Variants in LY96 observed in about 807,000 individuals in gnomAD.
LY96 encodes myeloid differentiation protein-2.
A neutral mutation model predicts 18.9 loss-of-function variants in LY96; 18 were observed. The observed-to-expected ratio is 0.95, with a 90% confidence interval of 0.66 to 1.41. The LOEUF is 1.41. Among genes scored for constraint, LY96 ranks in the 40% most tolerant of loss-of-function variants. The pLI is 0.00. For missense variants in LY96, 175 were observed against 182.4 expected (o/e 0.96, Z 0.23); for synonymous variants, 66 against 62.6 (o/e 1.06, Z -0.26).
chr8:74,056,801 GC>G, the LY96 span, among the ~76,000 whole-genome samples: 3 of 152,162 alleles, frequency 2.0e-5, no homozygotes, highest in Non-Finnish European at 4.4e-5. Flanking sequence ...TTCCCCCTAA[GC>G]CTTCCAGAGA....
chr8:74,037,928 G>A, the LY96 span, among the ~76,000 whole-genome samples: 2 of 152,090 alleles, frequency 1.3e-5, no homozygotes, highest in African/African-American at 4.8e-5. Flanking sequence ...GCTAATAGTT[G>A]CAGGGTTAAC....
At chr8:74,077,517 G>T in the LY96 span, among the ~76,000 whole-genome samples, 2 of 152,132 alleles carry the variant, frequency 1.3e-5, no homozygotes, top group African/African-American at 4.8e-5. Flanking sequence ...CTCCAGTAAT[G>T]TGACAGCAAT....
rs1252835628 is a variant in LY96 at position 74,004,896 on chromosome 8, AT to A, written c.202+16del. ...TTTTCTACATTCCAAGTAAGTTCAA[AT>A]TTTTGCTTTTATAGACCAATCAAAG... On this transcript the variant is annotated intron_variant, in intron 2 of 4. Transcript: ENST00000284818. The A allele has an allele frequency of 3.1e-6, 5 of 1,588,978 alleles. No homozygotes were observed. Among genetic ancestry groups the A allele is most frequent in the Non-Finnish European group, 4.3e-6 (5 of 1,160,326 alleles).
chr8:74,040,082 C>G, the LY96 span, among the ~76,000 whole-genome samples: 1 of 152,200 alleles, frequency 6.6e-6, no homozygotes. Context: ...CTCTTGCCTT[C>G]TAGGTCACTT....
chr8:74,011,892 T>C (rs553150549), intron 3 of LY96, among the ~76,000 whole-genome samples: 1 of 147,654 alleles, frequency 6.8e-6, no homozygotes, highest in Non-Finnish European at 1.5e-5. Context: ...GAAAAGGACA[T>C]GAATAGACAC....
At chr8:74,074,716 C>T in the LY96 span, among the ~76,000 whole-genome samples, 1 of 152,214 alleles carries the variant, frequency 6.6e-6, no homozygotes, top group Admixed American at 6.5e-5. Context: ...AGAAAATTTT[C>T]AGTTTCCTTA....
At chr8:74,053,314 C>T in the LY96 span, among the ~76,000 whole-genome samples, 1 of 152,194 alleles carries the variant, frequency 6.6e-6, no homozygotes, top group Non-Finnish European at 1.5e-5. Flanking sequence ...CTTTGCTGAT[C>T]TAACCCATAT....
chr8:74,080,503 A>G, the LY96 span, among the ~76,000 whole-genome samples: 1 of 152,212 alleles, frequency 6.6e-6, no homozygotes, highest in Non-Finnish European at 1.5e-5. Context: ...GAGGCAAAAA[A>G]TTGTAGAAGA....
At chr8:73,996,819 A>T (rs1375121892) in intron 1 of LY96, among the ~76,000 whole-genome samples, 4 of 152,140 alleles carry the variant, frequency 2.6e-5, no homozygotes, top group Admixed American at 2.6e-4. Flanking sequence ...ATCTTGGCTC[A>T]CAGCAGTCTC....
At chr8:74,015,286 C>T (rs915183872) in intron 3 of LY96, among the ~76,000 whole-genome samples, 2 of 152,302 alleles carry the variant, frequency 1.3e-5, no homozygotes, top group East Asian at 3.9e-4. Context: ...AAACTGAATA[C>T]CTTAGAAAAA....
chr8:73,999,119 C>T (rs922752245), intron 1 of LY96, among the ~76,000 whole-genome samples: 6 of 152,084 alleles, frequency 3.9e-5, no homozygotes, highest in African/African-American at 1.4e-4. Flanking sequence ...GACAGGCACC[C>T]GCCACCACAC....
intron 3 of LY96, among the ~76,000 whole-genome samples, chr8:74,013,015 G>A (rs1435895466): frequency 6.6e-6 from 1 of 151,808 alleles, no homozygotes; most frequent in East Asian, 1.9e-4. Context: ...AGAGTGCAGT[G>A]GTGCAACCAT....
intron 3 of LY96, among the ~76,000 whole-genome samples, chr8:74,017,098 C>G (rs1816659743): frequency 6.6e-6 from 1 of 152,182 alleles, no homozygotes; most frequent in Non-Finnish European, 1.5e-5. Context: ...TAATAACAAA[C>G]TTCGCTGAGC....
chr8:73,996,329 CTT>C (rs1816126093), intron 1 of LY96, among the ~76,000 whole-genome samples: 6 of 122,006 alleles, frequency 4.9e-5, no homozygotes, highest in African/African-American at 1.6e-4. Flanking sequence ...TCCTTCCTTC[CTT>C]CCTTCCTTCC....
At chr8:73,993,794 G>C (rs1013310031) in intron 1 of LY96, among the ~76,000 whole-genome samples, 2 of 144,490 alleles carry the variant, frequency 1.4e-5, no homozygotes, top group African/African-American at 5.2e-5. Context: ...GCCCAGGCTG[G>C]TCTGGAACTC....
the LY96 span, among the ~76,000 whole-genome samples, chr8:74,081,154 T>TTTCTTTCTTTCC: frequency 7.1e-6 from 1 of 139,896 alleles, no homozygotes; most frequent in African/African-American, 2.7e-5. Context: ...TCTTTCTTTC[T>TTTCTTTCTTTCC]TTCTTTCTTT....
At chr8:74,046,405 T>A in the LY96 span, among the ~76,000 whole-genome samples, 1 of 152,226 alleles carries the variant, frequency 6.6e-6, no homozygotes, top group East Asian at 1.9e-4. Flanking sequence ...TAATGGTTAC[T>A]GAATGTGGAT....
the LY96 span, among the ~76,000 whole-genome samples, chr8:74,085,382 G>A: frequency 2.0e-5 from 3 of 152,188 alleles, no homozygotes; most frequent in Non-Finnish European, 4.4e-5. Context: ...TCTTGAACAA[G>A]GAGAAAAGGC....
At chr8:74,051,981 C>T in the LY96 span, among the ~76,000 whole-genome samples, 1 of 151,510 alleles carries the variant, frequency 6.6e-6, no homozygotes, top group Non-Finnish European at 1.5e-5. Context: ...TATTCCTATA[C>T]ATGTTTAGTG....
Sources: allele counts gnomAD v4.1 joint callset (sites outside exome capture counted in the v4.1 genomes callset), GRCh38; gene constraint gnomAD v4.1.1; transcripts MANE v1.5; gene names NCBI Gene and HGNC (gene_info 2026-07-23, HGNC 2026-07-21).